The following DGKI variants were observed in gnomAD, a reference collection of about 807,000 sequenced individuals.
The protein encoded by DGKI is diacylglycerol kinase iota.
DGKI carries 55 observed loss-of-function variants against 147.5 expected under a neutral mutation model. The observed-to-expected ratio is 0.37, with a 90% CI of 0.30 to 0.47. The LOEUF (loss-of-function observed/expected upper bound fraction) is 0.47. Among genes scored for constraint, DGKI ranks in the 20% least tolerant of loss-of-function variants. The pLI is 1.00. For missense variants in DGKI, 1,007 were observed against 1,323.8 expected (o/e 0.76, Z 3.71); for synonymous variants, 469 against 477.1 (o/e 0.98, Z 0.22).
chr7:137,561,440 G>GA (rs1182020072), intron 19 of DGKI, among the ~76,000 whole-genome samples: 1 of 151,852 alleles, frequency 6.6e-6, no homozygotes, highest in Non-Finnish European at 1.5e-5. Flanking sequence ...GGAGGGACAG[G>GA]AAAAAACTTG....
At chr7:137,588,640 C>A (rs371773904) in intron 12 of DGKI, among the ~76,000 whole-genome samples, 2 of 152,086 alleles carry the variant, frequency 1.3e-5, no homozygotes, top group African/African-American at 4.8e-5. Context: ...CCACGCCGGG[C>A]GAATTTTTTG....
intron 21 of DGKI, among the ~76,000 whole-genome samples, chr7:137,515,839 A>G (rs1268058561): frequency 6.6e-6 from 1 of 152,102 alleles, no homozygotes; most frequent in African/African-American, 2.4e-5. Flanking sequence ...TATTATTATT[A>G]TATTTTTAAT....
chr7:137,637,816 TC>T (rs1216482997), intron 6 of DGKI, among the ~76,000 whole-genome samples: 1 of 152,236 alleles, frequency 6.6e-6, no homozygotes, highest in Non-Finnish European at 1.5e-5. Flanking sequence ...TTATATCATT[TC>T]TTTTTCTTCC....
At chr7:137,707,426 T>C (rs193053881) in intron 1 of DGKI, among the ~76,000 whole-genome samples, 4 of 152,240 alleles carry the variant, frequency 2.6e-5, no homozygotes, top group African/African-American at 4.8e-5. Context: ...ACCATTGATA[T>C]GTCTGGATCT....
At chr7:137,575,844 C>A (rs956125051) in intron 17 of DGKI, among the ~76,000 whole-genome samples, 1 of 151,372 alleles carries the variant, frequency 6.6e-6, no homozygotes, top group Non-Finnish European at 1.5e-5. Flanking sequence ...GCGGTAAAGG[C>A]CTTTGTCTCT....
chr7:137,507,683 T>G (rs1816415295), intron 21 of DGKI, among the ~76,000 whole-genome samples: 1 of 152,174 alleles, frequency 6.6e-6, no homozygotes, highest in Non-Finnish European at 1.5e-5. Flanking sequence ...TGGGGACAAC[T>G]CTAGTGTCAG....
At chr7:137,569,107 A>G (rs1045297037) in intron 19 of DGKI, among the ~76,000 whole-genome samples, 1 of 152,160 alleles carries the variant, frequency 6.6e-6, no homozygotes, top group African/African-American at 2.4e-5. Flanking sequence ...CAGCTGCTTG[A>G]GCTAGAAAGC....
intron 21 of DGKI, among the ~76,000 whole-genome samples, chr7:137,494,698 T>C (rs1278366253): frequency 6.6e-6 from 1 of 152,114 alleles, no homozygotes; most frequent in African/African-American, 2.4e-5. Flanking sequence ...GGAAAGGTCA[T>C]TACTGGCCAC....
At chr7:137,501,697 G>A (rs78648840) in intron 21 of DGKI, among the ~76,000 whole-genome samples, 2,994 of 152,248 alleles carry the variant, frequency 0.02, 148 homozygotes, top group East Asian at 0.12. Context: ...ATTGCGTAGA[G>A]GCCAATGAAA....
intron 1 of DGKI, among the ~76,000 whole-genome samples, chr7:137,708,707 A>G (rs552095149): frequency 2.0e-5 from 3 of 152,330 alleles, no homozygotes; most frequent in Admixed American, 6.5e-5. Context: ...ATCTCAGGGG[A>G]AAAACCAGAC....
chr7:137,447,399 T>C (rs1813758028), intron 27 of DGKI, among the ~76,000 whole-genome samples: 1 of 152,098 alleles, frequency 6.6e-6, no homozygotes. Context: ...TCAAAATATA[T>C]ATGAGGCAAA....
At chr7:137,437,204 C>T (rs1563018743) in intron 28 of DGKI, among the ~76,000 whole-genome samples, 2 of 152,176 alleles carry the variant, frequency 1.3e-5, no homozygotes, top group South Asian at 2.1e-4. Context: ...TTGGAAAGGA[C>T]GAAACAAAAT....
intron 6 of DGKI, among the ~76,000 whole-genome samples, chr7:137,633,824 G>A (rs1197843271): frequency 6.6e-6 from 1 of 152,218 alleles, no homozygotes; most frequent in Non-Finnish European, 1.5e-5. Context: ...CATTTTTACA[G>A]GCATGTACCA....
chr7:137,483,158 G>C (rs1364922955), intron 23 of DGKI, among the ~76,000 whole-genome samples: 2 of 151,980 alleles, frequency 1.3e-5, no homozygotes, highest in African/African-American at 2.4e-5. Context: ...TGATCTCCAT[G>C]AATAGTTACA....
chr7:137,576,475 A>C (rs1016465174), intron 17 of DGKI, among the ~76,000 whole-genome samples: 42 of 152,322 alleles, frequency 2.8e-4, no homozygotes, highest in African/African-American at 9.6e-4. Flanking sequence ...TTATACGACT[A>C]TGTGCAACAA....
chr7:137,587,198 G>T lies in DGKI; in HGVS notation c.1324C>A (p.Leu442Ile), dbSNP rs775067620. The T allele has an allele frequency of 6.2e-7, 1 of 1,611,754 alleles. No homozygotes were observed. The highest frequency in any genetic ancestry group is 2.2e-5 in the East Asian group (1 of 44,690). The change falls in exon 13 of 33, where the codon CTT becomes ATT. Residue 442 changes from leucine to isoleucine, a missense_variant. Around this residue, in one of 5 missense-constraint regions of DGKI, gnomAD observed 224 missense variants for 382.7 expected, o/e 0.59. Transcript: ENST00000614521. ...CGGDGTVGWI[L>I]SILDELQLSP... ...AGCTGCAGTTCATCCAGGATGGAAA[G>T]GATCCAGCCCACCTACAGGCGTATC...
intron 21 of DGKI, among the ~76,000 whole-genome samples, chr7:137,493,067 C>T (rs1477785638): frequency 6.6e-6 from 1 of 152,174 alleles, no homozygotes; most frequent in Non-Finnish European, 1.5e-5. Flanking sequence ...CCTTGCCTAC[C>T]CTTCCCTGCT....
Position 137,385,775 on chromosome 7 carries a change from G to A in DGKI, c.*5445C>T, listed in dbSNP as rs1408240342. 3.9e-5 allele frequency: 6 copies of A among 152,016 alleles called. No homozygotes were observed. The highest frequency in any genetic ancestry group is 8.8e-5 in the Non-Finnish European group (6 of 67,976). The allele number at this position is 152,016 out of a possible 1,614,324, so 9.4% of individuals were successfully genotyped here. On this transcript the variant is annotated 3_prime_UTR_variant, in exon 33 of 33. Transcript: ENST00000614521. Reference sequence around the variant, plus strand: ...TTCTCTTCCTACTTATGTTTTCATTGAACCAAAACATTGCTGGCTAATGAG... The same window carrying A: ...TTCTCTTCCTACTTATGTTTTCATTAAACCAAAACATTGCTGGCTAATGAG...
chr7:137,475,215 G>A (rs1489358809), intron 23 of DGKI, among the ~76,000 whole-genome samples: 1 of 152,050 alleles, frequency 6.6e-6, no homozygotes, highest in African/African-American at 2.4e-5. Context: ...GAGTTTTGGA[G>A]AAAACAAAGA....
Sources: allele counts gnomAD v4.1 joint callset (sites outside exome capture counted in the v4.1 genomes callset), GRCh38; gene constraint gnomAD v4.1.1; regional missense constraint gnomAD v4.1.1; transcripts MANE v1.5; gene names NCBI Gene and HGNC (gene_info 2026-07-23, HGNC 2026-07-21).